MGAT4C: variants seen among roughly 807,000 people sequenced by gnomAD.
The protein encoded by MGAT4C is alpha-1,3-mannosyl-glycoprotein 4-beta-N-acetylglucosaminyltransferase C.
A neutral mutation model predicts 40.1 loss-of-function variants in MGAT4C; 19 were observed. The ratio of observed to expected loss-of-function variants is 0.47; its 90% CI spans 0.33 to 0.70. The LOEUF (loss-of-function observed/expected upper bound fraction) is 0.70. Ranked by LOEUF, MGAT4C falls within the 30% of genes least tolerant of loss-of-function variation. The pLI is 0.02. For missense variants in MGAT4C, 491 were observed against 563.2 expected, an observed-to-expected ratio of 0.87 and a Z score of 1.30; for synonymous variants, 181 against 187.1, an observed-to-expected ratio of 0.97 and a Z score of 0.27.
rs765429825 is a variant in MGAT4C, at chr12:85,980,243, C to A, written c.483G>T (p.Ala161=). ...TTAATCTTCCTGCAATAATATGGTG[C>A]GCAAATTTCTGTGTAATATCCTGGA... ...AMVQDITQKF[A]HHIIAGRLMV... is the part of the protein sequence containing the mutation. The change falls in exon 5 of 5, where the codon GCG becomes GCT. Residue 161 remains alanine (A), a synonymous_variant. Coordinates refer to ENST00000611864, the MANE Select transcript of MGAT4C (RefSeq NM_001351288.2). 6.2e-7 allele frequency: 1 copy of A among 1,613,824 alleles called. No homozygotes were observed.
Position 85,961,484 on chromosome 12 carries a change from A to T in MGAT4C, c.*17805T>A, listed in dbSNP as rs1204306321. ...TCAAGATAATTATGTATATATATAA[A>T]ATTATATATGGTATAGTTTCAACTT... On this transcript the variant is annotated 3_prime_UTR_variant, in exon 5 of 5. Coordinates refer to ENST00000611864, the MANE Select transcript of MGAT4C (RefSeq NM_001351288.2). 6.6e-6 allele frequency: 1 copy of T among 151,584 alleles called. No individual in the cohort carries two copies. The highest frequency in any genetic ancestry group is 1.5e-5 in the Non-Finnish European group (1 of 67,704). 9.4% of individuals were successfully genotyped at this position (151,584 alleles called of 1,614,324 possible).
intron 1 of MGAT4C, among the ~76,000 whole-genome samples, chr12:86,078,552 A>G (rs1465962934): frequency 1.3e-5 from 2 of 152,138 alleles, no homozygotes; most frequent in Admixed American, 1.3e-4. Context: ...GGTCCAATAT[A>G]ATTAACCTGC....
rs991511396 is a variant in MGAT4C at position 86,306,578 on chromosome 12, T to C, written c.-57+27487A>G. Among the ~76,000 whole-genome samples the C allele has an allele frequency of 1.3e-5, 2 of 150,478 alleles. 1 individual carries two copies. The highest frequency in any genetic ancestry group is 5.0e-5 in the African/African-American group (2 of 39,960). ...AAAAAGTATGAAGGTATGAAGGTTT[T>C]TCCTTTGTGATGATAAAGCATGTTT... On this transcript the variant is annotated intron_variant, in intron 4 of 7. Coordinates refer to the MGAT4C transcript ENST00000548651.
At position 86,344,742 on chromosome 12, in the gene MGAT4C, GTGTGTGTGTGTGTA is replaced by G. The variant is rs1199998924; in HGVS notation, c.-119-10629_-119-10616del. 3.9e-3 allele frequency among the ~76,000 whole-genome samples: 493 copies of G among 125,658 alleles called. 4 individuals carry two copies. Among genetic ancestry groups the G allele is most frequent in the African/African-American group, 0.013 (478 of 37,858 alleles). The allele number at this position is 125,658 out of a possible 152,430, so 82.4% of individuals were successfully genotyped here. A position where few individuals can be genotyped will look rare whatever the true frequency, so the allele number is the denominator to read the frequency against. On this transcript the variant is annotated intron_variant, in intron 3 of 7. Transcript: ENST00000548651. Reference sequence around the variant, plus strand: ...GGTGTGTGTGTGTGTGTGTGTGTGTGTGTGTGTGTGTGTATGTGTGTGTGTGTGTGTGTAGCGGC... The same window carrying G: ...GGTGTGTGTGTGTGTGTGTGTGTGTGTGTGTGTGTGTGTGTGTGTAGCGGC...
chr12:86,782,866 C>A lies in MGAT4C; in HGVS notation c.-261-55625G>T, dbSNP rs193082105. Among the ~76,000 whole-genome samples, 7 of 152,282 alleles carry A rather than the reference C, an allele frequency of 4.6e-5. No individual in the cohort carries two copies. In the East Asian group the frequency reaches 9.7e-4, roughly 21 times the overall value. ...AAGAGGTTTCAGAAACCAACCCCGC[C>A]AGCATCTTAATCTTGGGGACTTCCA... On this transcript the variant is annotated intron_variant, in intron 1 of 7. Transcript: ENST00000548651.
intron 2 of MGAT4C, among the ~76,000 whole-genome samples, chr12:86,603,802 TTATATAG>T (rs1184766140): frequency 8.0e-6 from 1 of 124,950 alleles, no homozygotes; most frequent in African/African-American, 2.9e-5. Flanking sequence ...AGTATATATA[TTATATAG>T]TATATAATAA....
rs1480015802 is a variant in MGAT4C, at chr12:85,968,198, T to C, written c.*11091A>G. Reference sequence around the variant, plus strand: ...TCCACTGTGGAAAACTGATAGTTTTTCTCCTTCTTTCTTGAATATGTTTAG... The same window carrying C: ...TCCACTGTGGAAAACTGATAGTTTTCCTCCTTCTTTCTTGAATATGTTTAG... On this transcript the variant is annotated 3_prime_UTR_variant, in exon 5 of 5. Coordinates refer to ENST00000611864, the MANE Select transcript of MGAT4C (RefSeq NM_001351288.2). The C allele has an allele frequency of 1.3e-5, 2 of 152,082 alleles. No individual in the cohort carries two copies. The highest frequency in any genetic ancestry group is 6.6e-5 in the Admixed American group (1 of 15,236). The allele number at this position is 152,082 out of a possible 1,614,324, so 9.4% of individuals were successfully genotyped here.
intron 3 of MGAT4C, among the ~76,000 whole-genome samples, chr12:86,410,376 G>A (rs1025867392): frequency 6.6e-6 from 1 of 152,030 alleles, no homozygotes; most frequent in African/African-American, 2.4e-5. Flanking sequence ...CCTTCCGCAG[G>A]GTATTAATTA....
In MGAT4C at chr12:85,957,575, CCTT is replaced by C. The variant is rs1882861053; in HGVS notation, c.*21711_*21713del. On this transcript the variant is annotated 3_prime_UTR_variant, in exon 5 of 5. Transcript: ENST00000611864. The stretch of plus-strand genomic sequence containing the variant: ...AAATTGACCTTTATCCTACTATCCT[CCTT>C]CTAGCTATGGCTGAAGATAGCTCTG... 6.7e-6 allele frequency: 1 copy of C among 150,122 alleles called. No homozygotes were observed. Among genetic ancestry groups the C allele is most frequent in the African/African-American group, 2.4e-5 (1 of 40,892 alleles). 9.3% of individuals were successfully genotyped at this position (150,122 alleles called of 1,614,324 possible).
intron 1 of MGAT4C, among the ~76,000 whole-genome samples, chr12:86,253,263 T>C (rs1372787366): frequency 6.6e-6 from 1 of 151,790 alleles, no homozygotes; most frequent in Non-Finnish European, 1.5e-5. Flanking sequence ...GCCAAGTACC[T>C]AGAAGAGTGC....
intron 1 of MGAT4C, among the ~76,000 whole-genome samples, chr12:86,727,823 G>T (rs995168526): frequency 6.6e-6 from 1 of 151,718 alleles, no homozygotes; most frequent in African/African-American, 2.4e-5. Context: ...TATATGAAAA[G>T]ATCTATGTTG....
intron 3 of MGAT4C, among the ~76,000 whole-genome samples, chr12:86,372,126 T>C (rs1244780564): frequency 6.6e-6 from 1 of 151,934 alleles, no homozygotes; most frequent in African/African-American, 2.4e-5. Flanking sequence ...TTAATTCAAA[T>C]CAGAGTATTG....
chr12:86,308,904 T>A (rs1954005053), intron 4 of MGAT4C, among the ~76,000 whole-genome samples: 1 of 150,676 alleles, frequency 6.6e-6, no homozygotes, highest in Admixed American at 6.6e-5. Context: ...GGGACTTGTC[T>A]GAAGTCACCA....
chr12:86,800,106 G>A (rs890667083), intron 1 of MGAT4C, among the ~76,000 whole-genome samples: 115 of 152,018 alleles, frequency 7.6e-4, no homozygotes, highest in African/African-American at 2.7e-3. Flanking sequence ...GTTGGAAGAT[G>A]TGTTCCTTAG....
At chr12:86,547,600 T>C (rs901950468) in intron 2 of MGAT4C, among the ~76,000 whole-genome samples, 14 of 152,090 alleles carry the variant, frequency 9.2e-5, no homozygotes, top group African/African-American at 2.9e-4. Flanking sequence ...TTAGATGTTA[T>C]TTGCTCAGAA....
At chr12:86,770,362 A>G (rs939925776) in intron 1 of MGAT4C, among the ~76,000 whole-genome samples, 1 of 152,100 alleles carries the variant, frequency 6.6e-6, no homozygotes, top group African/African-American at 2.4e-5. Context: ...GTGTTAGTAC[A>G]ATACTAGAGA....
chr12:86,714,178 A>T (rs1409923121), intron 2 of MGAT4C, among the ~76,000 whole-genome samples: 2 of 152,162 alleles, frequency 1.3e-5, no homozygotes, highest in African/African-American at 2.4e-5. Context: ...AAAGACAGAG[A>T]GAAAATACTT....
chr12:86,729,093 G>C (rs560912868), intron 1 of MGAT4C, among the ~76,000 whole-genome samples: 7 of 152,236 alleles, frequency 4.6e-5, no homozygotes, highest in African/African-American at 1.7e-4. Context: ...ATAAAAGATG[G>C]TAAGGAGAAT....
At chr12:86,049,859 C>A in intron 1 of MGAT4C, 136 bp from the exon 2 acceptor site, 1 of 180,686 alleles carries the variant, frequency 5.5e-6, no homozygotes, top group Non-Finnish European at 1.1e-5. Context: ...TAAAATCTTT[C>A]TAAATTGACA....
Sources: allele counts gnomAD v4.1 joint callset (sites outside exome capture counted in the v4.1 genomes callset), GRCh38; gene constraint gnomAD v4.1.1; transcripts MANE v1.5; gene names NCBI Gene and HGNC (gene_info 2026-07-23, HGNC 2026-07-21).